OXR1: variants seen among roughly 807,000 people sequenced by gnomAD.
OXR1 encodes the protein oxidation resistance protein 1.
OXR1 carries 41 observed loss-of-function variants against 104.6 expected under a neutral mutation model. That is an observed-to-expected ratio of 0.39 (90% confidence interval 0.31 to 0.51). The LOEUF (loss-of-function observed/expected upper bound fraction) is 0.51. OXR1 is among the 20% of genes least tolerant of loss of function. The pLI is 0.77. For missense variants in OXR1, 955 were observed against 1,031.9 expected (o/e 0.93, Z 1.02); for synonymous variants, 348 against 348.4 (o/e 1.00, Z 0.01).
chr8:106,650,882 T>C (rs897877020), intron 3 of OXR1, among the ~76,000 whole-genome samples: 2 of 152,250 alleles, frequency 1.3e-5, no homozygotes, highest in African/African-American at 4.8e-5. Context: ...TACCAGGAAC[T>C]GTGTAGTTAT....
chr8:106,559,379 A>G (rs1206526645), intron 3 of OXR1, among the ~76,000 whole-genome samples: 4 of 152,194 alleles, frequency 2.6e-5, no homozygotes, highest in African/African-American at 2.4e-5. Flanking sequence ...TAAGCCCTCA[A>G]CAAAATCATC....
In OXR1 at chr8:106,455,879, T is replaced by C. The variant is rs563440642; in HGVS notation, c.24-63064T>C. On this transcript the variant is annotated intron_variant, in intron 2 of 16. Coordinates refer to ENST00000517566, the MANE Select transcript of OXR1 (RefSeq NM_001198533.2). ...ACCTAGATTAATACCCAAATTCCAATAGAGCTCTTGCTTCTGGACTGTACA... is the reference window on the plus strand; with the variant it reads ...ACCTAGATTAATACCCAAATTCCAACAGAGCTCTTGCTTCTGGACTGTACA... Among the ~76,000 whole-genome samples, 12 of 152,338 alleles carry C rather than the reference T, an allele frequency of 7.9e-5. No individual in the cohort carries two copies. In the South Asian group the frequency reaches 2.3e-3, roughly 29 times the overall value.
chr8:106,429,422 G>A (rs1424348879), intron 2 of OXR1, among the ~76,000 whole-genome samples: 1 of 152,136 alleles, frequency 6.6e-6, no homozygotes, highest in Non-Finnish European at 1.5e-5. Flanking sequence ...CACTATGGGA[G>A]GCTGAGGTGG....
intron 3 of OXR1, among the ~76,000 whole-genome samples, chr8:106,599,189 C>A (rs929260611): frequency 6.6e-6 from 1 of 152,100 alleles, no homozygotes; most frequent in Admixed American, 6.5e-5. Flanking sequence ...TCCCCAGTTG[C>A]TATTTATTAC....
chr8:106,744,392 T>C (rs1210174496), intron 15 of OXR1, among the ~76,000 whole-genome samples: 1 of 152,200 alleles, frequency 6.6e-6, no homozygotes, highest in African/African-American at 2.4e-5. Flanking sequence ...GATCATTTAA[T>C]AATTAAATGA....
chr8:106,355,555 C>T (rs1420156105), intron 1 of OXR1, among the ~76,000 whole-genome samples: 10 of 151,730 alleles, frequency 6.6e-5, no homozygotes, highest in Admixed American at 5.9e-4. Context: ...CAAAATAAAT[C>T]AGATAGTTAT....
chr8:106,399,835 C>T (rs767436289), intron 2 of OXR1, among the ~76,000 whole-genome samples: 7 of 152,148 alleles, frequency 4.6e-5, no homozygotes, highest in Non-Finnish European at 7.4e-5. Flanking sequence ...CAGTCTGATT[C>T]CAGATTGCAA....
chr8:106,296,053 G>A (rs1812981655), intron 1 of OXR1, among the ~76,000 whole-genome samples: 1 of 152,118 alleles, frequency 6.6e-6, no homozygotes, highest in South Asian at 2.1e-4. Flanking sequence ...GTTCCTGTAG[G>A]TGTACCACTC....
At chr8:106,517,235 A>G (rs540400323) in intron 2 of OXR1, among the ~76,000 whole-genome samples, 18 of 152,314 alleles carry the variant, frequency 1.2e-4, no homozygotes, top group African/African-American at 3.8e-4. Context: ...CCATTTTACT[A>G]TCATAGATAG....
chr8:106,679,854 A>G (rs1178367647), intron 4 of OXR1, among the ~76,000 whole-genome samples: 1 of 151,902 alleles, frequency 6.6e-6, no homozygotes, highest in Non-Finnish European at 1.5e-5. Flanking sequence ...AACTGAAGTG[A>G]GAAATCAGCT....
At chr8:106,686,535 T>C (rs1000860709) in intron 6 of OXR1, among the ~76,000 whole-genome samples, 1 of 152,142 alleles carries the variant, frequency 6.6e-6, no homozygotes, top group Admixed American at 6.5e-5. Context: ...AATTATTGGG[T>C]TTTATGTCTC....
chr8:106,746,463 G>A (rs889837478), intron 16 of OXR1, among the ~76,000 whole-genome samples: 5 of 152,000 alleles, frequency 3.3e-5, no homozygotes, highest in Non-Finnish European at 4.4e-5. Flanking sequence ...ACCTAGCCTG[G>A]GCTTAGCAAG....
chr8:106,412,570 C>T (rs568626310), intron 2 of OXR1, among the ~76,000 whole-genome samples: 5 of 150,236 alleles, frequency 3.3e-5, no homozygotes, highest in African/African-American at 4.9e-5. Flanking sequence ...CAGAAAGTTC[C>T]GGAACAACCA....
intron 1 of OXR1, among the ~76,000 whole-genome samples, chr8:106,281,799 CA>C (rs59515650): frequency 0.029 from 1,823 of 62,944 alleles, 11 homozygotes; most frequent in South Asian, 0.076. Flanking sequence ...GACTCTATCT[CA>C]AAAAAAAAAA....
At chr8:106,738,963 A>AT (rs200466517) in intron 12 of OXR1, among the ~76,000 whole-genome samples, 6 of 151,354 alleles carry the variant, frequency 4.0e-5, no homozygotes, top group Admixed American at 3.3e-4. Flanking sequence ...GAAAATAGTT[A>AT]TTTTTTTTTA....
chr8:106,628,245 T>C (rs1822342208), intron 3 of OXR1, among the ~76,000 whole-genome samples: 1 of 152,058 alleles, frequency 6.6e-6, no homozygotes, highest in African/African-American at 2.4e-5. Flanking sequence ...GTTGCAAGGG[T>C]TCGATGATAA....
At chr8:106,434,234 G>GATCATTTGA (rs1360697454) in intron 2 of OXR1, among the ~76,000 whole-genome samples, 1 of 152,164 alleles carries the variant, frequency 6.6e-6, no homozygotes, top group Non-Finnish European at 1.5e-5. Flanking sequence ...ATAGCAGTAA[G>GATCATTTGA]ATCATTTGAA....
At chr8:106,543,839 C>T (rs555260684) in intron 3 of OXR1, among the ~76,000 whole-genome samples, 1 of 152,296 alleles carries the variant, frequency 6.6e-6, no homozygotes, top group Non-Finnish European at 1.5e-5. Context: ...CCATCCAGCC[C>T]TAAGTCTACC....
chr8:106,289,155 T>A (rs1169026110), intron 1 of OXR1, among the ~76,000 whole-genome samples: 1 of 152,186 alleles, frequency 6.6e-6, no homozygotes. Context: ...TTCAACCTAG[T>A]ACTGGAAGTC....
Sources: allele counts gnomAD v4.1 joint callset (sites outside exome capture counted in the v4.1 genomes callset), GRCh38; gene constraint gnomAD v4.1.1; transcripts MANE v1.5; gene names NCBI Gene and HGNC (gene_info 2026-07-23, HGNC 2026-07-21).